NAA60: variants seen among roughly 807,000 people sequenced by gnomAD.
NAA60 encodes the protein N-alpha-acetyltransferase 60, NatF catalytic subunit.
In NAA60, 8 loss-of-function variants were observed where a neutral mutation model predicts 26.1. That is an observed-to-expected ratio of 0.31 (90% confidence interval 0.18 to 0.55). The LOEUF (loss-of-function observed/expected upper bound fraction) is 0.55, where lower values mean the gene tolerates loss of function less well. Ranked by LOEUF, NAA60 falls within the 20% of genes least tolerant of loss-of-function variation. NAA60 has a pLI of 0.93. For synonymous variants in NAA60, 131 were observed against 122.5 expected (o/e 1.07, Z -0.46); for missense variants, 290 against 311.3 (o/e 0.93, Z 0.51).
chr16:3,483,110 T>G (rs1419361784), intron 5 of NAA60, among the ~76,000 whole-genome samples: 1 of 152,024 alleles, frequency 6.6e-6, no homozygotes, highest in Non-Finnish European at 1.5e-5. Flanking sequence ...TGAAAGGGAG[T>G]CTCCATGCGG....
At chr16:3,483,157 G>A (rs1348432796) in intron 5 of NAA60, among the ~76,000 whole-genome samples, 1 of 152,202 alleles carries the variant, frequency 6.6e-6, no homozygotes, top group East Asian at 1.9e-4. Flanking sequence ...GGCCACCTCT[G>A]CAGTCCCTCC....
chr16:3,485,186 C>T (rs934951688), intron 7 of NAA60, 125 bp downstream of exon 7: 5 of 716,074 alleles, frequency 7.0e-6, no homozygotes, highest in African/African-American at 1.7e-5. Context: ...AGTCCACCAC[C>T]TTATGCACCA....
At chr16:3,484,479 C>T (rs1007794436) in intron 6 of NAA60, 9 of 607,366 alleles carry the variant, frequency 1.5e-5, no homozygotes, top group African/African-American at 7.4e-5. Flanking sequence ...ACTCAGAAGG[C>T]CCTTCTGTCC....
At chr16:3,463,703 T>TAA (rs200567821) in intron 2 of NAA60, among the ~76,000 whole-genome samples, 3 of 144,404 alleles carry the variant, frequency 2.1e-5, no homozygotes, top group Non-Finnish European at 3.0e-5. Context: ...AGTCTCTACT[T>TAA]AAAAAAAAAA....
At chr16:3,448,443 G>T in intron 1 of NAA60, 28 bp from the exon 2 acceptor site, 1 of 1,530,638 alleles carries the variant, frequency 6.5e-7, no homozygotes, top group Non-Finnish European at 8.8e-7. Context: ...GGAGTGAAGT[G>T]ATGGCCTTGT....
chr16:3,453,523 C>T (rs2034865726), intron 2 of NAA60, among the ~76,000 whole-genome samples: 1 of 152,148 alleles, frequency 6.6e-6, no homozygotes, highest in Non-Finnish European at 1.5e-5. Flanking sequence ...ATTCTTCTGC[C>T]TTAGCCTCTC....
chr16:3,481,513 G>A (rs1273821324), intron 4 of NAA60, among the ~76,000 whole-genome samples: 2 of 152,062 alleles, frequency 1.3e-5, no homozygotes, highest in African/African-American at 4.8e-5. Flanking sequence ...CCCAGGTGGC[G>A]GCTGGGTCTC....
intron 2 of NAA60, chr16:3,462,721 T>C (rs760279940): frequency 2.6e-5 from 4 of 152,190 alleles, no homozygotes; most frequent in Non-Finnish European, 5.9e-5. Context: ...TTTTTCTTGT[T>C]GTAAGCACAA....
At chr16:3,454,603 A>C (rs1306943257) in intron 2 of NAA60, among the ~76,000 whole-genome samples, 1 of 152,226 alleles carries the variant, frequency 6.6e-6, no homozygotes, top group Non-Finnish European at 1.5e-5. Flanking sequence ...TGTTAGATCA[A>C]GTGGAAGAAA....
chr16:3,478,129 G>A (rs1163563711), intron 3 of NAA60, among the ~76,000 whole-genome samples: 3 of 151,884 alleles, frequency 2.0e-5, no homozygotes, highest in African/African-American at 2.4e-5. Flanking sequence ...CCAGCTACTC[G>A]GGAGGCTGAG....
In NAA60 at chr16:3,486,046, C is replaced by A; in HGVS notation, c.*786C>A. On this transcript the variant is annotated 3_prime_UTR_variant, in exon 8 of 8. Transcript: ENST00000407558. Reference sequence around the variant, plus strand: ...GCCGAGACTCCTTGGGTCCTCCCCGCCCTCCCTCATGCTGCCACAAGCTGC... The same window carrying A: ...GCCGAGACTCCTTGGGTCCTCCCCGACCTCCCTCATGCTGCCACAAGCTGC... 4.4e-6 allele frequency: 1 copy of A among 226,206 alleles called. No homozygotes were observed. 14.0% of individuals were successfully genotyped at this position (226,206 alleles called of 1,614,324 possible). A position where few individuals can be genotyped will look rare whatever the true frequency, so the allele number is the denominator to read the frequency against.
intron 2 of NAA60, among the ~76,000 whole-genome samples, chr16:3,455,196 C>G (rs183630998): frequency 1.2e-3 from 179 of 152,018 alleles, no homozygotes; most frequent in Non-Finnish European, 1.8e-3. Flanking sequence ...GGATTACAGG[C>G]ATGTACCACC....
At chr16:3,453,085 G>A (rs2034848718) in intron 2 of NAA60, among the ~76,000 whole-genome samples, 1 of 152,104 alleles carries the variant, frequency 6.6e-6, no homozygotes, top group Non-Finnish European at 1.5e-5. Context: ...AGGCAATCTA[G>A]GGTTTGTTTC....
chr16:3,484,923 C>T lies in NAA60; in HGVS notation c.*68C>T, dbSNP rs754023600. 3 of 1,544,534 alleles carry T rather than the reference C, an allele frequency of 1.9e-6. No individual in the cohort carries two copies. The highest frequency in any genetic ancestry group is 2.0e-5 in the Admixed American group (1 of 50,994). ...CCGCAGAGCCCGCCTTCCTGTCCATCTGACCCCTTCTGTTTTCTGCAAGGA... is the reference window on the plus strand; with the variant it reads ...CCGCAGAGCCCGCCTTCCTGTCCATTTGACCCCTTCTGTTTTCTGCAAGGA... On this transcript the variant is annotated 3_prime_UTR_variant, in exon 7 of 8. Coordinates refer to ENST00000407558, the MANE Select transcript of NAA60 (RefSeq NM_001083601.3).
chr16:3,456,225 AT>A (rs1308406921), intron 2 of NAA60, among the ~76,000 whole-genome samples: 2 of 152,116 alleles, frequency 1.3e-5, no homozygotes, highest in Non-Finnish European at 2.9e-5. Flanking sequence ...TTGAATGCAG[AT>A]TCTGAATTAA....
At chr16:3,472,419 GT>G (rs1442809037) in intron 2 of NAA60, 4 of 152,124 alleles carry the variant, frequency 2.6e-5, no homozygotes, top group African/African-American at 9.7e-5. Context: ...TTTTTTGTTT[GT>G]TTTGTTTATT....
chr16:3,457,239 G>A (rs2035037962), intron 2 of NAA60, among the ~76,000 whole-genome samples: 1 of 152,024 alleles, frequency 6.6e-6, no homozygotes, highest in Non-Finnish European at 1.5e-5. Flanking sequence ...TGAGGCCAGG[G>A]GTTCAAGACC....
intron 6 of NAA60, chr16:3,483,809 T>C: frequency 1.8e-6 from 1 of 565,490 alleles, no homozygotes; most frequent in Non-Finnish European, 3.1e-6. Context: ...CCCAGGCTGG[T>C]CTCGAACTCC....
In NAA60 at chr16:3,448,535, C is replaced by T. The variant is rs1403660274; in HGVS notation, c.-12C>T. 23 of 1,535,406 alleles carry T rather than the reference C, an allele frequency of 1.5e-5. No homozygotes were observed. In the East Asian group the frequency reaches 4.9e-4, roughly 33 times the overall value. ...CCAGCCTGAGTTGGGAGAAGAGCTC[C>T]AGAGAGTGAGTCAAAGCGCTCTGTG... is the stretch of plus-strand genomic sequence containing the variant. On this transcript the variant is annotated 5_prime_UTR_variant, in exon 2 of 8. The change creates a premature stop within an existing upstream ORF in the 5' untranslated region. Coordinates refer to ENST00000407558, the MANE Select transcript of NAA60 (RefSeq NM_001083601.3).
Sources: gnomAD v4.1 joint callset for allele counts (sites outside exome capture counted in the v4.1 genomes callset) on GRCh38, gnomAD v4.1.1 for gene constraint, MANE v1.5 for transcripts, NCBI Gene and HGNC (gene_info 2026-07-23, HGNC 2026-07-21) for gene names.